RXYLT1: variants seen among roughly 807,000 people sequenced by gnomAD.
RXYLT1 encodes ribitol-5-phosphate xylosyltransferase 1.
In RXYLT1, 41 loss-of-function variants were observed where a neutral mutation model predicts 43.5. That is an observed-to-expected ratio of 0.94 (90% CI 0.73 to 1.22). The LOEUF is 1.22. Ranked by LOEUF, RXYLT1 falls within the 50% of genes most tolerant of loss-of-function variation. RXYLT1 has a pLI of 0.00. For missense variants in RXYLT1, 514 were observed against 532.0 expected (o/e 0.97, Z 0.33); for synonymous variants, 166 against 194.4 (o/e 0.85, Z 1.21).
intron 3 of RXYLT1, among the ~76,000 whole-genome samples, chr12:63,797,248 G>A (rs1348881181): frequency 1.3e-5 from 2 of 152,170 alleles, no homozygotes; most frequent in Admixed American, 1.3e-4. Flanking sequence ...ACAGGCGTGA[G>A]CCACCATGCC....
rs1056692807 is a variant in RXYLT1, at chr12:63,809,159, T to C, written c.*67T>C. 5 of 1,132,902 alleles carry C rather than the reference T, an allele frequency of 4.4e-6. No individual in the cohort carries two copies. In the African/African-American group the frequency reaches 8.0e-5, roughly 18 times the overall value. 70.2% of individuals were successfully genotyped at this position (1,132,902 alleles called of 1,614,324 possible). Reference sequence around the variant, plus strand: ...ACTACTGGGTGTATAAATGTGTTTGTGTGTGTATGTATTTATAGATGTTCT... The same window carrying C: ...ACTACTGGGTGTATAAATGTGTTTGCGTGTGTATGTATTTATAGATGTTCT... On this transcript the variant is annotated 3_prime_UTR_variant, in exon 6 of 6. Coordinates refer to ENST00000261234, the MANE Select transcript of RXYLT1 (RefSeq NM_014254.3).
rs1465317010 is a variant in RXYLT1 at position 63,780,026 on chromosome 12, C to T, written c.66C>T (p.Tyr22=). The T allele has an allele frequency of 2.5e-6, 4 of 1,609,730 alleles. No individual in the cohort carries two copies. Among genetic ancestry groups the T allele is most frequent in the South Asian group, 1.1e-5 (1 of 91,028 alleles). ...CCCTGTACTGCCTATTCTCCCTCTA[C>T]GCTGCCTACCACGTCTTCTTCGGGC... ...LIALYCLFSL[Y]AAYHVFFGRR... is the part of the protein sequence containing the mutation. Residue 22 remains tyrosine (Y), a synonymous_variant, in exon 1 of 6, where the codon TAC becomes TAT. Coordinates refer to ENST00000261234, the MANE Select transcript of RXYLT1 (RefSeq NM_014254.3).
chr12:63,803,356 T>C (rs1458455477), intron 4 of RXYLT1, among the ~76,000 whole-genome samples: 1 of 152,122 alleles, frequency 6.6e-6, no homozygotes, highest in Non-Finnish European at 1.5e-5. Context: ...TTTTGTCTCT[T>C]TTGTTCACTG....
intron 4 of RXYLT1, among the ~76,000 whole-genome samples, chr12:63,802,842 GATTA>G (rs1473018179): frequency 6.6e-6 from 1 of 151,926 alleles, no homozygotes; most frequent in Non-Finnish European, 1.5e-5. Context: ...TAAAAGGAGG[GATTA>G]ATTAAATGAT....
chr12:63,788,036 A>G (rs1897844720), intron 3 of RXYLT1, among the ~76,000 whole-genome samples: 1 of 152,244 alleles, frequency 6.6e-6, no homozygotes, highest in Non-Finnish European at 1.5e-5. Flanking sequence ...TCTCCTGTAC[A>G]TCTCCATCAG....
rs1472218235 is a variant in RXYLT1, at chr12:63,779,914, T to C, written c.-47T>C. 1 of 1,605,076 alleles carries C rather than the reference T, an allele frequency of 6.2e-7. No homozygotes were observed. Among genetic ancestry groups the C allele is most frequent in the African/African-American group, 1.3e-5 (1 of 74,300 alleles). On this transcript the variant is annotated 5_prime_UTR_variant, in exon 1 of 6. Transcript: ENST00000261234. ...CGCCGCCGGTGTCGCGGATTCTCTT[T>C]CCGCCCGCTCCATGGCGGTGGATGC...
intron 3 of RXYLT1, chr12:63,790,517 T>C (rs1005118019): frequency 6.6e-6 from 1 of 152,158 alleles, no homozygotes; most frequent in African/African-American, 2.4e-5. Context: ...CAGACTATCT[T>C]TGTTCAAATT....
chr12:63,795,803 A>G (rs914677567), intron 3 of RXYLT1: 2 of 151,994 alleles, frequency 1.3e-5, no homozygotes, highest in African/African-American at 2.4e-5. Flanking sequence ...AATATACCCA[A>G]ATTATTTCCT....
At chr12:63,789,767 G>A (rs999272380) in intron 3 of RXYLT1, among the ~76,000 whole-genome samples, 1 of 152,110 alleles carries the variant, frequency 6.6e-6, no homozygotes, top group African/African-American at 2.4e-5. Flanking sequence ...ATGAAAAGTA[G>A]CGTACATAAT....
intron 3 of RXYLT1, among the ~76,000 whole-genome samples, chr12:63,785,703 C>T (rs1479392933): frequency 6.6e-6 from 1 of 151,798 alleles, no homozygotes; most frequent in Non-Finnish European, 1.5e-5. Context: ...ATATGAAATG[C>T]TATTTTATTA....
chr12:63,787,474 G>A (rs1009938788), intron 3 of RXYLT1, among the ~76,000 whole-genome samples: 1 of 152,146 alleles, frequency 6.6e-6, no homozygotes, highest in African/African-American at 2.4e-5. Context: ...TAATGTTGAT[G>A]TTTTGACCTC....
At chr12:63,804,083 C>G (rs1898229110) in intron 4 of RXYLT1, 1 of 152,192 alleles carries the variant, frequency 6.6e-6, no homozygotes, top group Admixed American at 6.6e-5. Flanking sequence ...AAATTCCTGA[C>G]CTCAAGTGAT....
rs113883424 is a variant in RXYLT1 at position 63,780,521 on chromosome 12, A to T, written c.169+392A>T. ...CCCTCTCTAATCCTGCAGTGACCATAAGGCAGACTTTACCTCCAAATTCTG... is the reference window on the plus strand; with the variant it reads ...CCCTCTCTAATCCTGCAGTGACCATTAGGCAGACTTTACCTCCAAATTCTG... On this transcript the variant is annotated intron_variant, in intron 1 of 5. Coordinates refer to ENST00000261234, the MANE Select transcript of RXYLT1 (RefSeq NM_014254.3). 14 of 1,040,244 alleles carry T rather than the reference A, an allele frequency of 1.3e-5. No individual in the cohort carries two copies. In the African/African-American group the frequency reaches 2.4e-4, roughly 18 times the overall value. The allele number at this position is 1,040,244 out of a possible 1,614,324, so 64.4% of individuals were successfully genotyped here.
intron 2 of RXYLT1, chr12:63,782,532 C>G: frequency 4.4e-6 from 2 of 456,442 alleles, no homozygotes; most frequent in South Asian, 3.1e-5. Flanking sequence ...CTCTTGCTGT[C>G]TTTTTTAGTC....
chr12:63,789,022 A>G (rs1897864982), intron 3 of RXYLT1, among the ~76,000 whole-genome samples: 1 of 152,192 alleles, frequency 6.6e-6, no homozygotes, highest in Non-Finnish European at 1.5e-5. Flanking sequence ...TGTCTTTAGT[A>G]ATAAGCAGAA....
intron 3 of RXYLT1, among the ~76,000 whole-genome samples, chr12:63,788,761 A>G (rs934622396): frequency 1.2e-4 from 19 of 152,246 alleles, no homozygotes; most frequent in Non-Finnish European, 2.6e-4. Context: ...CCTTCACATC[A>G]TTCATGTTGT....
At chr12:63,787,122 T>C (rs1440834916) in intron 3 of RXYLT1, among the ~76,000 whole-genome samples, 3 of 151,992 alleles carry the variant, frequency 2.0e-5, no homozygotes, top group Admixed American at 2.0e-4. Flanking sequence ...AAAAAAAAAT[T>C]GGAGCCAGTC....
rs551352637 is a variant in RXYLT1, at chr12:63,801,571, G to C, written c.429-520G>C. Among the ~76,000 whole-genome samples the C allele has an allele frequency of 3.3e-5, 5 of 152,284 alleles. No individual in the cohort carries two copies. The South Asian group carries it at 1.0e-3, about 32-fold the overall frequency. ...ATGGTGGTTCATGCCTGTAATCCCAGTACTTTGGGAGACTGAGGTAGGTGG... is the reference window on the plus strand; with the variant it reads ...ATGGTGGTTCATGCCTGTAATCCCACTACTTTGGGAGACTGAGGTAGGTGG... On this transcript the variant is annotated intron_variant, in intron 3 of 5. Coordinates refer to ENST00000261234, the MANE Select transcript of RXYLT1 (RefSeq NM_014254.3).
At chr12:63,792,677 G>T (rs1295595030) in intron 3 of RXYLT1, among the ~76,000 whole-genome samples, 2 of 152,174 alleles carry the variant, frequency 1.3e-5, no homozygotes, top group Admixed American at 6.6e-5. Flanking sequence ...TGTTCCAGGG[G>T]CTTTTACAGA....
Sources: allele counts gnomAD v4.1 joint callset (sites outside exome capture counted in the v4.1 genomes callset), GRCh38; gene constraint gnomAD v4.1.1; transcripts MANE v1.5; gene names NCBI Gene and HGNC (gene_info 2026-07-23, HGNC 2026-07-21).